The following CTNNA3 variants were observed in gnomAD, a reference collection of about 807,000 sequenced individuals.
CTNNA3 encodes catenin alpha 3.
A neutral mutation model predicts 95.7 loss-of-function variants in CTNNA3; 76 were observed. The ratio of observed to expected loss-of-function variants is 0.79; its 90% CI spans 0.66 to 0.96. The LOEUF (loss-of-function observed/expected upper bound fraction) is 0.96, where lower values mean the gene tolerates loss of function less well. Among genes scored for constraint, CTNNA3 ranks in the 40% least tolerant of loss-of-function variants. The pLI, the probability that CTNNA3 is intolerant of heterozygous loss-of-function variation, is 0.00. For synonymous variants in CTNNA3, 431 were observed against 374.4 expected (o/e 1.15, Z -1.74); for missense variants, 1,191 against 1,089.8 (o/e 1.09, Z -1.31).
At chr10:66,809,264 C>A (rs544861010) in intron 7 of CTNNA3, among the ~76,000 whole-genome samples, 1 of 152,224 alleles carries the variant, frequency 6.6e-6, no homozygotes, top group African/African-American at 2.4e-5. Flanking sequence ...GAAATGACAT[C>A]ATTATGATAT....
At chr10:66,225,945 C>CT (rs1359435715) in intron 13 of CTNNA3, among the ~76,000 whole-genome samples, 1 of 151,976 alleles carries the variant, frequency 6.6e-6, no homozygotes, top group Non-Finnish European at 1.5e-5. Flanking sequence ...CTGTTGACTT[C>CT]TTTGAGTTCT....
intron 12 of CTNNA3, among the ~76,000 whole-genome samples, chr10:66,342,591 A>C (rs983575528): frequency 3.9e-5 from 6 of 152,076 alleles, no homozygotes; most frequent in Non-Finnish European, 5.9e-5. Flanking sequence ...ATTGCTTACT[A>C]TTATTGTCAA....
chr10:66,621,816 T>C, intron 9 of CTNNA3, 32 bp from the exon 10 acceptor site: 1 of 1,404,446 alleles, frequency 7.1e-7, no homozygotes, highest in Non-Finnish European at 1.0e-6. Flanking sequence ...TGGAAATTAT[T>C]TTAGATTAGC....
chr10:66,507,103 C>A (rs557402955), intron 11 of CTNNA3, among the ~76,000 whole-genome samples: 6 of 152,154 alleles, frequency 3.9e-5, no homozygotes, highest in Admixed American at 2.6e-4. Context: ...TTTCCATTTT[C>A]TTTGTCAAAT....
intron 8 of CTNNA3, among the ~76,000 whole-genome samples, chr10:66,770,277 C>T (rs1385961207): frequency 1.3e-5 from 2 of 152,186 alleles, no homozygotes; most frequent in Non-Finnish European, 2.9e-5. Context: ...TATATACCTA[C>T]ATATAACAGC....
chr10:66,407,732 C>T (rs1182654762), intron 11 of CTNNA3, among the ~76,000 whole-genome samples: 1 of 152,074 alleles, frequency 6.6e-6, no homozygotes, highest in Admixed American at 6.5e-5. Context: ...AGGTGCCCAC[C>T]ACCATGCTTG....
At chr10:67,661,249 A>T (rs1375636051) in intron 1 of CTNNA3, among the ~76,000 whole-genome samples, 7 of 151,524 alleles carry the variant, frequency 4.6e-5, no homozygotes, top group Non-Finnish European at 1.0e-4. Context: ...ACAAAAAAAA[A>T]AGAGAGAGAG....
chr10:66,318,272 ATATATG>A (rs2092130352), intron 12 of CTNNA3, among the ~76,000 whole-genome samples: 2 of 85,540 alleles, frequency 2.3e-5, no homozygotes, highest in South Asian at 6.6e-4. Context: ...ATATATATAT[ATATATG>A]TGTGTGTGTG....
Position 66,324,669 on chromosome 10 carries a change from A to G in CTNNA3, c.1733-44048T>C, listed in dbSNP as rs117389238. 5.4e-4 allele frequency among the ~76,000 whole-genome samples: 82 copies of G among 152,220 alleles called. 2 individuals are homozygous for G. In the East Asian group the frequency reaches 0.014, roughly 27 times the overall value. Reference sequence around the variant, plus strand: ...GATGGCAACTGAACAAGTGAGCCACAAACCTGTTCCATGTCCTGCATGGGG... The same window carrying G: ...GATGGCAACTGAACAAGTGAGCCACGAACCTGTTCCATGTCCTGCATGGGG... On this transcript the variant is annotated intron_variant, in intron 12 of 17. Transcript: ENST00000433211.
At chr10:66,956,083 A>G (rs1161267178) in intron 7 of CTNNA3, among the ~76,000 whole-genome samples, 3 of 152,082 alleles carry the variant, frequency 2.0e-5, no homozygotes, top group Non-Finnish European at 2.9e-5. Flanking sequence ...GTTCTTGTGC[A>G]TTTTGCAAAG....
At chr10:67,439,070 G>A (rs374066606) in intron 5 of CTNNA3, among the ~76,000 whole-genome samples, 3 of 152,078 alleles carry the variant, frequency 2.0e-5, no homozygotes, top group Non-Finnish European at 4.4e-5. Context: ...AGTGAAAAAC[G>A]GGGTGTTTTT....
At chr10:67,263,692 A>T (rs1866706661) in intron 5 of CTNNA3, among the ~76,000 whole-genome samples, 1 of 152,156 alleles carries the variant, frequency 6.6e-6, no homozygotes, top group African/African-American at 2.4e-5. Flanking sequence ...AAGAAGTACC[A>T]GATGTGAAAT....
chr10:67,528,991 C>G (rs1425593266), intron 4 of CTNNA3, among the ~76,000 whole-genome samples: 4 of 152,086 alleles, frequency 2.6e-5, no homozygotes, highest in African/African-American at 4.8e-5. Context: ...AAATTATATA[C>G]ATGAAAATTG....
chr10:65,958,248 GTCT>G (rs1286234690), intron 17 of CTNNA3, among the ~76,000 whole-genome samples: 1 of 151,984 alleles, frequency 6.6e-6, no homozygotes, highest in Non-Finnish European at 1.5e-5. Context: ...GTCATTTAAG[GTCT>G]TCTCTATGCT....
At chr10:67,374,570 CTT>C (rs535263790) in intron 5 of CTNNA3, among the ~76,000 whole-genome samples, 1 of 152,022 alleles carries the variant, frequency 6.6e-6, no homozygotes. Flanking sequence ...TCTAATGAGA[CTT>C]TTTTGCTTTA....
chr10:66,168,883 T>C lies in CTNNA3; in HGVS notation c.1885-65634A>G, dbSNP rs1261235339. Among the ~76,000 whole-genome samples the C allele has an allele frequency of 2.6e-5, 4 of 152,184 alleles. 1 individual carries two copies. The highest frequency in any genetic ancestry group is 9.7e-5 in the African/African-American group (4 of 41,446). ...GAAGACTTCTATATTTCAGTTGCTA[T>C]AATGGGTCTGAGAATTCAAAGATAT... On this transcript the variant is annotated intron_variant, in intron 13 of 17. Coordinates refer to ENST00000433211, the MANE Select transcript of CTNNA3 (RefSeq NM_013266.4).
intron 9 of CTNNA3, among the ~76,000 whole-genome samples, chr10:66,741,615 T>C (rs954092260): frequency 6.6e-6 from 1 of 152,146 alleles, no homozygotes; most frequent in African/African-American, 2.4e-5. Context: ...GTGTTTGGCC[T>C]TTGCTGGGTT....
chr10:67,304,179 C>T (rs1020887181), intron 5 of CTNNA3, among the ~76,000 whole-genome samples: 1 of 152,164 alleles, frequency 6.6e-6, no homozygotes. Flanking sequence ...GACAGCACCA[C>T]TTCACCGTGC....
intron 13 of CTNNA3, among the ~76,000 whole-genome samples, chr10:66,133,682 C>T (rs981634050): frequency 6.6e-6 from 1 of 151,646 alleles, no homozygotes; most frequent in South Asian, 2.1e-4. Flanking sequence ...TACTGGTTCT[C>T]ATATCCACAG....
Sources: gnomAD v4.1 joint callset for allele counts (sites outside exome capture counted in the v4.1 genomes callset) on GRCh38, gnomAD v4.1.1 for gene constraint, MANE v1.5 for transcripts, NCBI Gene and HGNC (gene_info 2026-07-23, HGNC 2026-07-21) for gene names.